INPP4B: variants seen among roughly 807,000 people sequenced by gnomAD.
INPP4B encodes inositol polyphosphate 4-phosphatase type II.
Under a neutral mutation model 122.5 loss-of-function variants are expected in INPP4B, and 55 were observed. The observed-to-expected ratio is 0.45, with a 90% CI of 0.36 to 0.56. The LOEUF (loss-of-function observed/expected upper bound fraction) is 0.56, where lower values mean the gene tolerates loss of function less well. INPP4B is among the 20% of genes least tolerant of loss of function. INPP4B has a pLI of 0.00. For synonymous variants in INPP4B, 403 were observed against 388.7 expected (o/e 1.04, Z -0.43); for missense variants, 1,000 against 1,097.7 (o/e 0.91, Z 1.26).
chr4:142,458,657 A>G (rs1255896536), intron 3 of INPP4B, among the ~76,000 whole-genome samples: 1 of 152,128 alleles, frequency 6.6e-6, no homozygotes, highest in Non-Finnish European at 1.5e-5. Context: ...GAAGGATAAA[A>G]CTGGCACAGA....
chr4:142,539,082 T>TTATATA (rs58073799), intron 2 of INPP4B, among the ~76,000 whole-genome samples: 7 of 148,804 alleles, frequency 4.7e-5, no homozygotes, highest in African/African-American at 1.7e-4. Context: ...AATTGTTATT[T>TTATATA]TATATATATA....
Position 142,152,066 on chromosome 4 carries a change from C to CTTTTTTTTTTTTTTTTTTTTTTT in INPP4B, c.1564-6093_1564-6071dup, listed in dbSNP as rs572092121. On this transcript the variant is annotated intron_variant, in intron 17 of 25. Coordinates refer to ENST00000262992, the MANE Select transcript of INPP4B (RefSeq NM_001101669.3). Reference sequence around the variant, plus strand: ...TGCCTAACATGCTTTTTTGTCTTTTCTTTTTTTTTTTTTTTTTTTTTTTTT... The same window carrying CTTTTTTTTTTTTTTTTTTTTTTT: ...TGCCTAACATGCTTTTTTGTCTTTTCTTTTTTTTTTTTTTTTTTTTTTTTTTTTTTTTTTTTTTTTTTTTTTTT... Among the ~76,000 whole-genome samples the CTTTTTTTTTTTTTTTTTTTTTTT allele has an allele frequency of 2.1e-4, 15 of 69,952 alleles. 2 individuals carry two copies. The highest frequency in any genetic ancestry group is 7.2e-4 in the African/African-American group (13 of 18,002). The allele number at this position is 69,952 out of a possible 152,430, so 45.9% of individuals were successfully genotyped here.
At chr4:142,539,004 G>GA (rs938167743) in intron 2 of INPP4B, among the ~76,000 whole-genome samples, 2 of 151,276 alleles carry the variant, frequency 1.3e-5, no homozygotes, top group African/African-American at 4.8e-5. Flanking sequence ...ACAAGACAAT[G>GA]AAAAAAATTG....
At chr4:142,314,854 C>T (rs797016690) in intron 7 of INPP4B, 92 bp from the exon 8 acceptor site, 19 of 990,370 alleles carry the variant, frequency 1.9e-5, no homozygotes, top group African/African-American at 1.7e-4. Context: ...CTTCATCTCG[C>T]GTCAATTCAG....
At chr4:142,696,845 T>G (rs1207798723) in intron 2 of INPP4B, among the ~76,000 whole-genome samples, 1 of 152,216 alleles carries the variant, frequency 6.6e-6, no homozygotes, top group East Asian at 1.9e-4. Context: ...GTAAAATTAC[T>G]TATTAAATTA....
intron 2 of INPP4B, among the ~76,000 whole-genome samples, chr4:142,611,202 A>G (rs1742417131): frequency 6.6e-6 from 1 of 152,122 alleles, no homozygotes; most frequent in Admixed American, 6.6e-5. Context: ...TTAAACAATC[A>G]TGTCTTGCAA....
intron 7 of INPP4B, among the ~76,000 whole-genome samples, chr4:142,388,944 A>G (rs930205148): frequency 6.6e-6 from 1 of 152,160 alleles, no homozygotes; most frequent in African/African-American, 2.4e-5. Context: ...TCCACCCTAA[A>G]GCCAGTATCC....
chr4:142,386,512 T>A (rs961786732), intron 7 of INPP4B, among the ~76,000 whole-genome samples: 1 of 152,182 alleles, frequency 6.6e-6, no homozygotes, highest in Non-Finnish European at 1.5e-5. Context: ...AAAACCTAAC[T>A]TAGGAGTATG....
At chr4:142,252,078 A>G (rs1012903461) in intron 11 of INPP4B, among the ~76,000 whole-genome samples, 17 of 152,280 alleles carry the variant, frequency 1.1e-4, no homozygotes, top group African/African-American at 4.1e-4. Context: ...AGACTTCCTC[A>G]TTTGTGAAAT....
At chr4:142,065,666 A>G (rs1453722781) in intron 25 of INPP4B, among the ~76,000 whole-genome samples, 1 of 152,204 alleles carries the variant, frequency 6.6e-6, no homozygotes, top group Non-Finnish European at 1.5e-5. Context: ...AGTGGTTTCC[A>G]AGGGCTGGGG....
rs188898590 is a variant in INPP4B, at chr4:142,300,125, G to T, written c.503+5333C>A. ...AACCCTGTTGTCTATCTATGGCCAG[G>T]TTGTTTTCAGGTCACTGTGGGGGTT... On this transcript the variant is annotated intron_variant, in intron 9 of 25. Coordinates refer to ENST00000262992, the MANE Select transcript of INPP4B (RefSeq NM_001101669.3). Among the ~76,000 whole-genome samples the T allele has an allele frequency of 7.9e-5, 12 of 152,262 alleles. No individual in the cohort carries two copies. The East Asian group carries it at 2.3e-3, about 29-fold the overall frequency.
rs751695238 is a variant in INPP4B at position 142,785,524 on chromosome 4, C to T, written c.-253-59623G>A. 4.0e-5 allele frequency among the ~76,000 whole-genome samples: 6 copies of T among 151,762 alleles called. No individual in the cohort carries two copies. The South Asian group carries it at 8.3e-4, about 21-fold the overall frequency. The stretch of plus-strand genomic sequence containing the variant: ...AAGAACATGCTGGAAATCAAAAACG[C>T]GATGATAGAAATTAAGAATGCTCTT... On this transcript the variant is annotated intron_variant, in intron 1 of 25. Coordinates refer to ENST00000262992, the MANE Select transcript of INPP4B (RefSeq NM_001101669.3).
At chr4:142,236,289 A>C (rs1392519609) in intron 12 of INPP4B, among the ~76,000 whole-genome samples, 1 of 152,142 alleles carries the variant, frequency 6.6e-6, no homozygotes, top group East Asian at 1.9e-4. Context: ...GACTTCCAAA[A>C]TCCAAACTCC....
At chr4:142,424,396 A>G (rs1351141398) in intron 5 of INPP4B, among the ~76,000 whole-genome samples, 1 of 152,084 alleles carries the variant, frequency 6.6e-6, no homozygotes, top group Non-Finnish European at 1.5e-5. Context: ...ACACTTGATT[A>G]TGAAATTTAC....
At chr4:142,715,919 A>G (rs1763696943) in intron 2 of INPP4B, among the ~76,000 whole-genome samples, 1 of 152,206 alleles carries the variant, frequency 6.6e-6, no homozygotes. Flanking sequence ...GGCTGTTGGC[A>G]GAGACCTTAG....
intron 2 of INPP4B, among the ~76,000 whole-genome samples, chr4:142,478,354 C>A (rs551896154): frequency 1.6e-4 from 24 of 152,144 alleles, no homozygotes; most frequent in Non-Finnish European, 1.2e-4. Context: ...TTCCTGTTCT[C>A]AGGGGGAATT....
chr4:142,465,624 T>A (rs1187618456), intron 2 of INPP4B, among the ~76,000 whole-genome samples: 1 of 152,206 alleles, frequency 6.6e-6, no homozygotes, highest in South Asian at 2.1e-4. Context: ...CCTGTATCCA[T>A]TCCTTTTGTG....
At chr4:142,764,595 C>A (rs1771811092) in intron 1 of INPP4B, among the ~76,000 whole-genome samples, 1 of 152,110 alleles carries the variant, frequency 6.6e-6, no homozygotes, top group Admixed American at 6.6e-5. Context: ...AGGAACATAT[C>A]AGAATTCATA....
intron 1 of INPP4B, among the ~76,000 whole-genome samples, chr4:142,733,584 T>C (rs1007056171): frequency 6.6e-6 from 1 of 152,090 alleles, no homozygotes; most frequent in Admixed American, 6.6e-5. Flanking sequence ...GATGTCACTA[T>C]AAGCAGACAA....
Sources: gnomAD v4.1 joint callset for allele counts (sites outside exome capture counted in the v4.1 genomes callset) on GRCh38, gnomAD v4.1.1 for gene constraint, MANE v1.5 for transcripts, NCBI Gene and HGNC (gene_info 2026-07-23, HGNC 2026-07-21) for gene names.